The following ZNF347 variants were observed in gnomAD, a reference collection of about 807,000 sequenced individuals.
The protein encoded by ZNF347 is zinc finger protein 347.
A neutral mutation model predicts 12.9 loss-of-function variants in ZNF347; 19 were observed. The ratio of observed to expected loss-of-function variants is 1.47; its 90% CI spans 1.03 to 2.16. The LOEUF (loss-of-function observed/expected upper bound fraction) is 2.16, where lower values mean the gene tolerates loss of function less well. Among genes scored for constraint, ZNF347 ranks in the 30% most tolerant of loss-of-function variants. The pLI is 0.00. For missense variants in ZNF347, 1,005 were observed against 990.6 expected, an observed-to-expected ratio of 1.01 and a Z score of -0.19; for synonymous variants, 328 against 340.6, an observed-to-expected ratio of 0.96 and a Z score of 0.41.
chr19:53,137,653 A>G lies in ZNF347; in HGVS notation c.*2655T>C, dbSNP rs963761970. On this transcript the variant is annotated 3_prime_UTR_variant, in exon 5 of 5. Transcript: ENST00000334197. ...ATTACCAAAAACATGATAAGGCTAA[A>G]TTTATGAAACTTCTAGTTTACCTAC... 6.6e-6 allele frequency: 1 copy of G among 152,204 alleles called. No homozygotes were observed. The highest frequency in any genetic ancestry group is 2.4e-5 in the African/African-American group (1 of 41,452). 9.4% of individuals were successfully genotyped at this position (152,204 alleles called of 1,614,324 possible).
chr19:53,148,533 A>G (rs927531663), intron 4 of ZNF347, 148 bp downstream of exon 4: 11 of 976,996 alleles, frequency 1.1e-5, no homozygotes, highest in South Asian at 3.7e-5. Context: ...GTACAAGTCT[A>G]AAGGATAGAC....
chr19:53,143,957 C>A (rs1299153504), intron 4 of ZNF347, among the ~76,000 whole-genome samples: 1 of 152,130 alleles, frequency 6.6e-6, no homozygotes, highest in African/African-American at 2.4e-5. Context: ...TTTATGGTCA[C>A]CACAAAGTAA....
chr19:53,139,627 T>A lies in ZNF347; in HGVS notation c.*681A>T, dbSNP rs1177508686. ...GAACGTGTAATTATTGTGCAGTTTA[T>A]CATTTTAAAAGTGAATCAAAGAACT... On this transcript the variant is annotated 3_prime_UTR_variant, in exon 5 of 5. Transcript: ENST00000334197. 2 of 152,226 alleles carry A rather than the reference T, an allele frequency of 1.3e-5. No homozygotes were observed. Among genetic ancestry groups the A allele is most frequent in the Non-Finnish European group, 2.9e-5 (2 of 68,028 alleles). The allele number at this position is 152,226 out of a possible 1,614,324, so 9.4% of individuals were successfully genotyped here.
At chr19:53,144,752 C>T (rs1467159590) in intron 4 of ZNF347, among the ~76,000 whole-genome samples, 4 of 152,172 alleles carry the variant, frequency 2.6e-5, no homozygotes, top group African/African-American at 7.2e-5. Flanking sequence ...CCTCTCTCCT[C>T]AGCCTCCCAA....
chr19:53,156,059 G>T (rs1411706573), intron 1 of ZNF347, among the ~76,000 whole-genome samples: 3 of 126,264 alleles, frequency 2.4e-5, no homozygotes, highest in East Asian at 5.5e-4. Flanking sequence ...GGGGGGGGGG[G>T]GTTAGGCGGG....
Position 53,149,305 on chromosome 19 carries a change from G to A in ZNF347, c.78C>T (p.Asp26=), listed in dbSNP as rs2090482824. ...CCCTGTACAAAGTCCTCTGAGCGGG[G>A]TCCAGGCATGTCCACTCCTCCTGAG... ...EFSQEEWTCL[D]PAQRTLYRDV... is the part of the protein sequence containing the mutation. The change falls in exon 3 of 5, where the codon GAC becomes GAT. Residue 26 remains aspartate, a synonymous_variant. Coordinates refer to ENST00000334197, the MANE Select transcript of ZNF347 (RefSeq NM_032584.3). 5 of 1,613,956 alleles carry A rather than the reference G, an allele frequency of 3.1e-6. No individual in the cohort carries two copies. Among genetic ancestry groups the A allele is most frequent in the Non-Finnish European group, 3.4e-6 (4 of 1,179,968 alleles).
intron 1 of ZNF347, among the ~76,000 whole-genome samples, chr19:53,156,603 CT>C (rs2146818060): frequency 6.6e-6 from 1 of 152,278 alleles, no homozygotes; most frequent in East Asian, 1.9e-4. Context: ...GACTGTTCAT[CT>C]GTATCTTCTG....
intron 1 of ZNF347, among the ~76,000 whole-genome samples, chr19:53,157,744 CTCTTGCTGTCCCAGCACCACGCT>C (rs1290764853): frequency 6.6e-6 from 1 of 152,170 alleles, no homozygotes; most frequent in African/African-American, 2.4e-5. Context: ...CGGCTGTCCC[CTCTTGCTGTCCCAGCACCACGCT>C]GCTTGTCTGC....
At position 53,140,490 on chromosome 19, in the gene ZNF347, G is replaced by C. The variant is rs144287841; in HGVS notation, c.2338C>G (p.Leu780Val). 6.8e-6 allele frequency: 11 copies of C among 1,613,732 alleles called. No homozygotes were observed. Among genetic ancestry groups the C allele is most frequent in the African/African-American group, 1.3e-5 (1 of 74,924 alleles). ...CGKAFSQTSK[L>V]ARHQRIHTGE... ...GTATGAATTCTCTGATGCCTTGCAA[G>C]TTTTGAAGTTTGACTAAAGGCTTTG... is the stretch of plus-strand genomic sequence containing the variant. The change falls in exon 5 of 5, where the codon CTT becomes GTT. Residue 780 changes from leucine to valine, a missense_variant. Transcript: ENST00000334197.
In ZNF347 at chr19:53,154,566, A is replaced by G. The variant is rs572695776; in HGVS notation, c.-46-773T>C. 1.4e-4 allele frequency among the ~76,000 whole-genome samples: 21 copies of G among 152,316 alleles called. No homozygotes were observed. The South Asian group carries it at 1.9e-3, about 14-fold the overall frequency. The stretch of plus-strand genomic sequence containing the variant: ...AACAGAAAGTTCTGGAGACACAAGA[A>G]GAGGAAAGCATAATGTGATTAGGGA... On this transcript the variant is annotated intron_variant, in intron 1 of 4. Coordinates refer to ENST00000334197, the MANE Select transcript of ZNF347 (RefSeq NM_032584.3).
At chr19:53,144,827 T>C (rs560675336) in intron 4 of ZNF347, among the ~76,000 whole-genome samples, 16 of 152,240 alleles carry the variant, frequency 1.1e-4, no homozygotes, top group Non-Finnish European at 1.9e-4. Context: ...TATCCAGCTG[T>C]TGCAAAATAC....
intron 2 of ZNF347, among the ~76,000 whole-genome samples, chr19:53,151,821 G>A (rs1021065438): frequency 1.3e-5 from 2 of 151,986 alleles, no homozygotes; most frequent in African/African-American, 4.8e-5. Flanking sequence ...TGGGCTGGGT[G>A]CAGTGGCTCA....
chr19:53,155,885 G>A (rs1207397397), intron 1 of ZNF347, among the ~76,000 whole-genome samples: 1 of 152,104 alleles, frequency 6.6e-6, no homozygotes, highest in African/African-American at 2.4e-5. Context: ...ACAGGTGGGT[G>A]GGCCACTTGG....
rs1409125656 is a variant in ZNF347, at chr19:53,141,723, C to T, written c.1105G>A (p.Gly369Arg). ...HLVRHRGIHT[G>R]EKPYKCNECG... ...TCATTACACTTGTAAGGTTTCTCTC[C>T]AGTATGAATTCCTCGATGTCTTACA... is the stretch of plus-strand genomic sequence containing the variant. The change falls in exon 5 of 5, where the codon GGA becomes AGA. Residue 369 changes from glycine to arginine, a missense_variant. Gly to Arg is a moderately radical substitution (Grantham distance 125). Coordinates refer to ENST00000334197, the MANE Select transcript of ZNF347 (RefSeq NM_032584.3). The T allele has an allele frequency of 6.2e-7, 1 of 1,613,774 alleles. No individual in the cohort carries two copies. The highest frequency in any genetic ancestry group is 1.3e-5 in the African/African-American group (1 of 74,876).
rs1285173689 is a variant in ZNF347, at chr19:53,137,313, C to T, written c.*2995G>A. The T allele has an allele frequency of 6.6e-6, 1 of 152,150 alleles. No individual in the cohort carries two copies. The highest frequency in any genetic ancestry group is 1.5e-5 in the Non-Finnish European group (1 of 68,056). 9.4% of individuals were successfully genotyped at this position (152,150 alleles called of 1,614,324 possible). A position where few individuals can be genotyped will look rare whatever the true frequency, so the allele number is the denominator to read the frequency against. On this transcript the variant is annotated 3_prime_UTR_variant, in exon 5 of 5. Transcript: ENST00000334197. ...CTGCACTCCCTCTTCTTATTCTGCC[C>T]ATCTGGCCAAGCTGATAATGTCCGT...
Position 53,154,319 on chromosome 19 carries a change from T to TA in ZNF347, c.-46-527dup, listed in dbSNP as rs374833180. 4.3e-3 allele frequency among the ~76,000 whole-genome samples: 630 copies of TA among 146,312 alleles called. 5 individuals carry two copies. Among genetic ancestry groups the TA allele is most frequent in the South Asian group, 0.018 (84 of 4,596 alleles). On this transcript the variant is annotated intron_variant, in intron 1 of 4. Coordinates refer to ENST00000334197, the MANE Select transcript of ZNF347 (RefSeq NM_032584.3). ...CAACATAGTGAGACCCCATTTCTCTTAAAAAAAAAAAGTAATAAATTTAGC... is the reference window on the plus strand; with the variant it reads ...CAACATAGTGAGACCCCATTTCTCTTAAAAAAAAAAAAGTAATAAATTTAGC...
chr19:53,142,403 T>G lies in ZNF347; in HGVS notation c.425A>C (p.Glu142Ala). 1.2e-6 allele frequency: 2 copies of G among 1,614,156 alleles called. No individual in the cohort carries two copies. Among genetic ancestry groups the G allele is most frequent in the Non-Finnish European group, 1.7e-6 (2 of 1,180,018 alleles). Residue 142 changes from glutamate to alanine, a missense_variant, in exon 5 of 5, where the codon GAG (glutamate) becomes GCG (alanine). Glu to Ala is a moderately radical substitution (Grantham distance 107). Transcript: ENST00000334197. Reference protein sequence around the residue: ...REVQKNTHGLEYQCRDAEGNY... With the variant: ...REVQKNTHGLAYQCRDAEGNY... ...TCCTTCAGCATCTCTGCATTGATAC[T>G]CAAGGCCATGTGTATTTTTCTGGAC...
At position 53,141,548 on chromosome 19, in the gene ZNF347, TTC is replaced by T. The variant is rs752663192; in HGVS notation, c.1278_1279del (p.Lys427ThrfsTer5). On this transcript the variant is annotated frameshift_variant, in exon 5 of 5. Coordinates refer to ENST00000334197, the MANE Select transcript of ZNF347 (RefSeq NM_032584.3). LOFTEE classifies it low-confidence loss of function (END_TRUNC). ...GCCGCACTCATTACACTTGTAAGGT[TTC>T]TCTCCAGTGTGAATTCTCCAGTGAT... 2 of 1,613,928 alleles carry T rather than the reference TTC, an allele frequency of 1.2e-6. No individual in the cohort carries two copies. Among genetic ancestry groups the T allele is most frequent in the African/African-American group, 2.7e-5 (2 of 74,902 alleles).
In ZNF347 at chr19:53,148,799, A is replaced by G; in HGVS notation, c.153T>C (p.Cys51=). The G allele has an allele frequency of 6.2e-7, 1 of 1,613,448 alleles. No homozygotes were observed. The highest frequency in any genetic ancestry group is 8.5e-7 in the Non-Finnish European group (1 of 1,179,760). ...ACATAGAGATAATACTGAGGTCAAAACAAGAGATTCCTGCTTATGAAAAGA... is the reference window on the plus strand; with the variant it reads ...ACATAGAGATAATACTGAGGTCAAAGCAAGAGATTCCTGCTTATGAAAAGA... ...YRNLASLGIS[C]FDLSIISMLE... The change falls in exon 4 of 5, where the codon TGT becomes TGC. Residue 51 remains cysteine, a synonymous_variant. Transcript: ENST00000334197.
Sources: allele counts gnomAD v4.1 joint callset (sites outside exome capture counted in the v4.1 genomes callset), GRCh38; gene constraint gnomAD v4.1.1; transcripts MANE v1.5; gene names NCBI Gene and HGNC (gene_info 2026-07-23, HGNC 2026-07-21).